The following MTMR10 variants were observed in gnomAD, a reference collection of about 807,000 sequenced individuals.
MTMR10 encodes myotubularin-related protein 10.
In MTMR10, 56 loss-of-function variants were observed where a neutral mutation model predicts 88.1. The observed-to-expected ratio is 0.64, with a 90% confidence interval of 0.51 to 0.79. The LOEUF is 0.79. MTMR10 is among the 30% of genes least tolerant of loss of function. The probability of loss-of-function intolerance (pLI) is 0.00; values close to 1 mark genes in which losing one functional copy is unlikely to be tolerated. For synonymous variants in MTMR10, 380 were observed against 340.9 expected (o/e 1.11, Z -1.26); for missense variants, 883 against 924.7 (o/e 0.95, Z 0.58).
Position 30,953,600 on chromosome 15 carries a change from TA to T in MTMR10, c.1097del (p.Leu366TyrfsTer10). ...EPFEETEEKW[L>X]SSLENTRWLE... ...ACCATCGAGTATTTTCCAGTGAAGA[TA>T]ACCATTTCTCTTCAGTTTCTTCAAA... On this transcript the variant is annotated frameshift_variant, in exon 11 of 16. Transcript: ENST00000435680. LOFTEE classifies it high-confidence loss of function. 6.5e-7 allele frequency: 1 copy of T among 1,546,554 alleles called. No homozygotes were observed. Among genetic ancestry groups the T allele is most frequent in the Non-Finnish European group, 8.8e-7 (1 of 1,141,848 alleles).
At chr15:30,925,938 G>C in the MTMR10 span, 51 of 1,614,066 alleles carry the variant, frequency 3.2e-5, no homozygotes, top group Middle Eastern at 1.7e-4. Context: ...GTTTTGACCA[G>C]GGTAACTGAG....
the MTMR10 span, among the ~76,000 whole-genome samples, chr15:30,924,033 C>T: frequency 6.6e-6 from 1 of 152,150 alleles, no homozygotes; most frequent in African/African-American, 2.4e-5. Flanking sequence ...GACGTCTCAT[C>T]TACTTTTTGT....
At chr15:30,980,894 A>G (rs1173692455) in intron 2 of MTMR10, among the ~76,000 whole-genome samples, 1 of 152,264 alleles carries the variant, frequency 6.6e-6, no homozygotes, top group Non-Finnish European at 1.5e-5. Flanking sequence ...CTGTGAATCC[A>G]TACTGTTGTC....
chr15:30,942,628 G>A, intron 15 of MTMR10: 1 of 440,438 alleles, frequency 2.3e-6, no homozygotes, highest in East Asian at 3.5e-5. Flanking sequence ...TCAAGAAATG[G>A]ATAAATGGGG....
chr15:30,940,490 T>TG lies in MTMR10; in HGVS notation c.*979_*980insC. On this transcript the variant is annotated 3_prime_UTR_variant, in exon 16 of 16. Coordinates refer to ENST00000435680, the MANE Select transcript of MTMR10 (RefSeq NM_017762.3). ...GCAGGTGCCCAACTCGTAACCTCATTAGTTATTTCCAGGGGGAAGTGCCAG... is the reference window on the plus strand; with the variant it reads ...GCAGGTGCCCAACTCGTAACCTCATTGAGTTATTTCCAGGGGGAAGTGCCAG... The TG allele has an allele frequency of 1.0e-6, 1 of 985,364 alleles. No homozygotes were observed. The highest frequency in any genetic ancestry group is 4.7e-5 in the South Asian group (1 of 21,286). 61.0% of individuals were successfully genotyped at this position (985,364 alleles called of 1,614,324 possible). A position where few individuals can be genotyped will look rare whatever the true frequency, so the allele number is the denominator to read the frequency against.
At chr15:30,929,652 TATA>T in the MTMR10 span, among the ~76,000 whole-genome samples, 105 of 66,800 alleles carry the variant, frequency 1.6e-3, 2 homozygotes, top group African/African-American at 5.7e-3. Context: ...CAATATATAA[TATA>T]ATATATGAAA....
At chr15:30,929,772 T>TATAA in the MTMR10 span, among the ~76,000 whole-genome samples, 1 of 30,592 alleles carries the variant, frequency 3.3e-5, no homozygotes, top group South Asian at 1.3e-3. Flanking sequence ...ATAAAATATA[T>TATAA]AATATATTAT....
chr15:30,987,692 A>T (rs12907874), intron 2 of MTMR10, among the ~76,000 whole-genome samples: 13 of 141,684 alleles, frequency 9.2e-5, no homozygotes, highest in African/African-American at 1.5e-4. Flanking sequence ...TTTTTTTTTT[A>T]TTTTTTTTTT....
chr15:30,978,204 T>C (rs919733654), intron 2 of MTMR10, among the ~76,000 whole-genome samples: 6 of 152,230 alleles, frequency 3.9e-5, no homozygotes, highest in African/African-American at 1.4e-4. Context: ...TATCGAAGCA[T>C]TGTATTTCCA....
At chr15:30,926,896 C>T in the MTMR10 span, 1 of 985,446 alleles carries the variant, frequency 1.0e-6, no homozygotes, top group Non-Finnish European at 1.2e-6. Flanking sequence ...GGCTGCCAGG[C>T]TTTATGCCAC....
the MTMR10 span, among the ~76,000 whole-genome samples, chr15:30,929,896 AAT>A: frequency 1.4e-5 from 1 of 73,106 alleles, no homozygotes; most frequent in African/African-American, 5.5e-5. Context: ...TATCATATAT[AAT>A]ATATAAAATA....
the MTMR10 span, chr15:30,928,619 T>G: frequency 6.2e-7 from 1 of 1,613,604 alleles, no homozygotes. Flanking sequence ...ATCATCTTCA[T>G]GGATGGGATT....
At chr15:30,951,643 G>A (rs2063248559) in intron 12 of MTMR10, among the ~76,000 whole-genome samples, 2 of 152,032 alleles carry the variant, frequency 1.3e-5, no homozygotes, top group Admixed American at 6.6e-5. Context: ...GAGACTACAG[G>A]CGCACACCAC....
chr15:30,968,534 A>AACACACACACACACAC lies in MTMR10; in HGVS notation c.475-540_475-525dup, dbSNP rs61503155. Among the ~76,000 whole-genome samples the AACACACACACACACAC allele has an allele frequency of 5.0e-3, 710 of 143,148 alleles. 7 individuals are homozygous for AACACACACACACACAC. The highest frequency in any genetic ancestry group is 0.025 in the Middle Eastern group (7 of 284). 93.9% of individuals were successfully genotyped at this position (143,148 alleles called of 152,430 possible). On this transcript the variant is annotated intron_variant, in intron 5 of 15. Transcript: ENST00000435680. ...GCTCAAAGAGGTACATCAAAAAAACAACACACACACACACACACACACACA... is the reference window on the plus strand; with the variant it reads ...GCTCAAAGAGGTACATCAAAAAAACAACACACACACACACACACACACACACACACACACACACACA...
At position 30,938,941 on chromosome 15, in the gene MTMR10, A is replaced by G. The variant is rs2062947336; in HGVS notation, c.*2529T>C. ...AGATGATTTCATACTGACAACAACA[A>G]ACAGTCGCTGTGGAATTTTATTAAG... On this transcript the variant is annotated 3_prime_UTR_variant, in exon 16 of 16. Transcript: ENST00000435680. 2 of 985,292 alleles carry G rather than the reference A, an allele frequency of 2.0e-6. No individual in the cohort carries two copies. The highest frequency in any genetic ancestry group is 3.5e-5 in the African/African-American group (2 of 57,236). The allele number at this position is 985,292 out of a possible 1,614,324, so 61.0% of individuals were successfully genotyped here.
At chr15:30,963,755 T>G (rs1449277794) in intron 6 of MTMR10, among the ~76,000 whole-genome samples, 1 of 152,132 alleles carries the variant, frequency 6.6e-6, no homozygotes, top group Admixed American at 6.5e-5. Flanking sequence ...TTCTCTGGAG[T>G]AACACAACTA....
chr15:30,933,753 CTTT>C, the MTMR10 span, among the ~76,000 whole-genome samples: 474 of 136,206 alleles, frequency 3.5e-3, no homozygotes, highest in African/African-American at 0.012. Flanking sequence ...TATTTCTTTT[CTTT>C]TTTTTTTTGT....
chr15:30,958,572 A>G (rs964478897), intron 9 of MTMR10, among the ~76,000 whole-genome samples: 12 of 152,240 alleles, frequency 7.9e-5, no homozygotes, highest in Non-Finnish European at 1.0e-4. Context: ...TCTCAACTGG[A>G]TATCACTGCA....
the MTMR10 span, chr15:30,928,944 G>T: frequency 2.9e-6 from 1 of 344,792 alleles, no homozygotes; most frequent in Non-Finnish European, 4.1e-6. Flanking sequence ...CGCAGGCACT[G>T]TGCCAAGGAG....
Sources: gnomAD v4.1 joint callset for allele counts (sites outside exome capture counted in the v4.1 genomes callset) on GRCh38, gnomAD v4.1.1 for gene constraint, MANE v1.5 for transcripts, NCBI Gene and HGNC (gene_info 2026-07-23, HGNC 2026-07-21) for gene names.